Variants in ARMH3 observed in about 807,000 individuals in gnomAD.
ARMH3 encodes the protein armadillo-like helical domain-containing protein 3.
ARMH3 carries 60 observed loss-of-function variants against 99.1 expected under a neutral mutation model. The observed-to-expected ratio is 0.61, with a 90% CI of 0.49 to 0.75. The LOEUF is 0.75. ARMH3 is among the 30% of genes least tolerant of loss of function. The pLI is 0.00. For synonymous variants in ARMH3, 285 were observed against 292.8 expected (o/e 0.97, Z 0.27); for missense variants, 679 against 843.1 (o/e 0.81, Z 2.41).
chr10:101,847,262 G>A lies in ARMH3; in HGVS notation c.*266C>T. The A allele has an allele frequency of 2.4e-6, 1 of 420,854 alleles. No individual in the cohort carries two copies. 26.1% of individuals were successfully genotyped at this position (420,854 alleles called of 1,614,324 possible). A position where few individuals can be genotyped will look rare whatever the true frequency, so the allele number is the denominator to read the frequency against. ...CTCAAGATTGGAAATGTGAGGGGCT[G>A]TTTAGGGAGCCCACTCTGGAAGTCC... On this transcript the variant is annotated 3_prime_UTR_variant, in exon 26 of 26. Transcript: ENST00000370033.
intron 23 of ARMH3, among the ~76,000 whole-genome samples, chr10:101,928,899 T>C (rs1337651361): frequency 6.6e-6 from 1 of 151,960 alleles, no homozygotes; most frequent in African/African-American, 2.4e-5. Context: ...CCCGGCTAAT[T>C]TTCGTATTTT....
At chr10:101,898,688 GCACA>G (rs149304468) in intron 23 of ARMH3, among the ~76,000 whole-genome samples, 8 of 151,360 alleles carry the variant, frequency 5.3e-5, no homozygotes. Context: ...GCGCACACGC[GCACA>G]CACACACACA....
chr10:102,037,173 ATTTTG>A (rs1391784537), intron 2 of ARMH3, among the ~76,000 whole-genome samples: 1 of 149,730 alleles, frequency 6.7e-6, no homozygotes, highest in Non-Finnish European at 1.5e-5. Flanking sequence ...TCTCTTCTGG[ATTTTG>A]TTTTCTTTTT....
At chr10:102,033,465 T>G in intron 2 of ARMH3, 126 bp from the exon 3 acceptor site, 1 of 1,023,986 alleles carries the variant, frequency 9.8e-7, no homozygotes, top group Non-Finnish European at 1.4e-6. Context: ...TCGCCCAGGC[T>G]GGAGTACAGT....
intron 23 of ARMH3, among the ~76,000 whole-genome samples, chr10:101,904,493 T>C (rs1347497954): frequency 2.6e-5 from 4 of 151,966 alleles, no homozygotes; most frequent in African/African-American, 9.7e-5. Flanking sequence ...ACTTGTTACT[T>C]AAAAAAAGAA....
At chr10:101,877,398 A>C (rs1333505390) in intron 24 of ARMH3, among the ~76,000 whole-genome samples, 1 of 152,210 alleles carries the variant, frequency 6.6e-6, no homozygotes, top group East Asian at 1.9e-4. Flanking sequence ...GCAGTGGCTA[A>C]CGCCTGTAAT....
At chr10:101,968,530 C>T (rs1845633654) in intron 20 of ARMH3, among the ~76,000 whole-genome samples, 1 of 152,194 alleles carries the variant, frequency 6.6e-6, no homozygotes, top group Non-Finnish European at 1.5e-5. Context: ...TAATCCTTCC[C>T]TGGTCCCTTT....
chr10:101,875,095 G>A (rs905928560), intron 24 of ARMH3, among the ~76,000 whole-genome samples: 13 of 152,144 alleles, frequency 8.5e-5, no homozygotes, highest in Middle Eastern at 3.2e-3. Context: ...TTAAGCCAGG[G>A]CAACCCTTCT....
chr10:101,940,185 C>A (rs922066615), intron 22 of ARMH3, among the ~76,000 whole-genome samples: 7 of 152,220 alleles, frequency 4.6e-5, no homozygotes, highest in African/African-American at 1.7e-4. Flanking sequence ...TCCTTCTCTG[C>A]CTTAGGTTTT....
intron 20 of ARMH3, among the ~76,000 whole-genome samples, chr10:101,964,558 A>T (rs557170091): frequency 1.3e-4 from 20 of 152,250 alleles, no homozygotes; most frequent in Non-Finnish European, 2.5e-4. Flanking sequence ...TTAAAAAGGA[A>T]GAAAATTCTG....
At chr10:101,949,447 AC>A (rs965872500) in intron 22 of ARMH3, among the ~76,000 whole-genome samples, 3 of 152,114 alleles carry the variant, frequency 2.0e-5, no homozygotes, top group African/African-American at 7.2e-5. Flanking sequence ...AATATTACAA[AC>A]AACTGTATGC....
intron 23 of ARMH3, among the ~76,000 whole-genome samples, chr10:101,910,254 G>A (rs1842808937): frequency 6.6e-6 from 1 of 152,192 alleles, no homozygotes. Flanking sequence ...TTACAACCAA[G>A]GGGAACAAGC....
At chr10:101,970,564 A>G (rs1006533824) in intron 20 of ARMH3, among the ~76,000 whole-genome samples, 2 of 152,182 alleles carry the variant, frequency 1.3e-5, no homozygotes, top group African/African-American at 4.8e-5. Flanking sequence ...GCACATGCCT[A>G]TAATCCCAAC....
intron 24 of ARMH3, among the ~76,000 whole-genome samples, chr10:101,885,439 A>G (rs181448816): frequency 1.3e-5 from 2 of 152,370 alleles, no homozygotes; most frequent in Admixed American, 1.3e-4. Context: ...ATGGAATATT[A>G]TTAAACCTTA....
intron 23 of ARMH3, chr10:101,913,168 T>TG (rs34042562): frequency 0.21 from 31,882 of 151,436 alleles, 4,024 homozygotes; most frequent in Non-Finnish European, 0.29. Context: ...TCAGTAGAGA[T>TG]GGGGGTCTCA....
chr10:101,964,086 C>T (rs1385527816), intron 20 of ARMH3, among the ~76,000 whole-genome samples: 1 of 152,050 alleles, frequency 6.6e-6, no homozygotes, highest in Non-Finnish European at 1.5e-5. Context: ...CCGTGTTAGC[C>T]AGGATAGTCT....
intron 19 of ARMH3, among the ~76,000 whole-genome samples, chr10:101,989,971 A>ACC (rs1218379128): frequency 6.6e-6 from 1 of 152,002 alleles, no homozygotes; most frequent in Non-Finnish European, 1.5e-5. Flanking sequence ...ATTACAACAG[A>ACC]CCCCTGCGAT....
intron 23 of ARMH3, among the ~76,000 whole-genome samples, chr10:101,927,581 C>T (rs1169372779): frequency 2.0e-5 from 3 of 152,212 alleles, no homozygotes; most frequent in East Asian, 3.8e-4. Flanking sequence ...CTTAGTCACA[C>T]AGGCAGTCCT....
At chr10:101,902,818 T>G (rs757409916) in intron 23 of ARMH3, among the ~76,000 whole-genome samples, 1 of 151,890 alleles carries the variant, frequency 6.6e-6, no homozygotes, top group Non-Finnish European at 1.5e-5. Flanking sequence ...GCACCTCCAG[T>G]AATAGCTAGT....
Sources: allele counts gnomAD v4.1 joint callset (sites outside exome capture counted in the v4.1 genomes callset), GRCh38; gene constraint gnomAD v4.1.1; transcripts MANE v1.5; gene names NCBI Gene and HGNC (gene_info 2026-07-23, HGNC 2026-07-21).